The following CCR2 variants were observed in gnomAD, a reference collection of about 807,000 sequenced individuals.
The protein encoded by CCR2 is C-C chemokine receptor type 2.
For missense variants in CCR2, 408 were observed against 440.0 expected, an observed-to-expected ratio of 0.93 and a Z score of 0.65; for synonymous variants, 183 against 177.1, an observed-to-expected ratio of 1.03 and a Z score of -0.27.
At position 46,357,457 on chromosome 3, in the gene CCR2, A is replaced by G. The variant is rs1488218997; in HGVS notation, c.-51-20A>G. 3 of 1,513,766 alleles carry G rather than the reference A, an allele frequency of 2.0e-6. No homozygotes were observed. The highest frequency in any genetic ancestry group is 2.7e-6 in the Non-Finnish European group (3 of 1,106,992). The allele number at this position is 1,513,766 out of a possible 1,614,324, so 93.8% of individuals were successfully genotyped here. ...GCGGTGTTTGTGTTGTGTGGTCATC[A>G]TTTTGTTCTTTGTTTACAGAACAGA... On this transcript the variant is annotated intron_variant, in intron 1 of 1. Coordinates refer to ENST00000445132, the MANE Select transcript of CCR2 (RefSeq NM_001123396.4).
rs762049291 is a variant in CCR2 at position 46,358,410 on chromosome 3, A to G, written c.883A>G (p.Met295Val). Residue 295 changes from methionine to valine, a missense_variant, in exon 2 of 2, where the codon ATG (methionine) becomes GTG (valine). Met to Val is a conservative substitution (Grantham distance 21). Coordinates refer to ENST00000445132, the MANE Select transcript of CCR2 (RefSeq NM_001123396.4). Reference protein sequence around the residue: ...QATQVTETLGMTHCCINPIIY... With the variant: ...QATQVTETLGVTHCCINPIIY... ...CACGCAGGTGACAGAGACTCTTGGG[A>G]TGACTCACTGCTGCATCAATCCCAT... 1 of 1,614,062 alleles carries G rather than the reference A, an allele frequency of 6.2e-7. No homozygotes were observed. Among genetic ancestry groups the G allele is most frequent in the South Asian group, 1.1e-5 (1 of 91,072 alleles).
In CCR2 at chr3:46,358,733, T is replaced by G; in HGVS notation, c.*123T>G. On this transcript the variant is annotated 3_prime_UTR_variant, in exon 2 of 2. Coordinates refer to ENST00000445132, the MANE Select transcript of CCR2 (RefSeq NM_001123396.4). ...CAGGTGCCCAGGAACCTCAGGGCTG[T>G]GTGTACTAATACAGACTATGTCACC... The G allele has an allele frequency of 4.1e-6, 6 of 1,463,996 alleles. No homozygotes were observed. Among genetic ancestry groups the G allele is most frequent in the Non-Finnish European group, 5.4e-6 (6 of 1,108,262 alleles). 90.7% of individuals were successfully genotyped at this position (1,463,996 alleles called of 1,614,324 possible). A position where few individuals can be genotyped will look rare whatever the true frequency, so the allele number is the denominator to read the frequency against.
At chr3:46,357,434 G>C in intron 1 of CCR2, 43 bp from the exon 2 acceptor site, 1 of 1,316,826 alleles carries the variant, frequency 7.6e-7, no homozygotes, top group Non-Finnish European at 1.1e-6. Flanking sequence ...CATGGATTGC[G>C]GTGTTTGTGT....
rs1369908429 is a variant in CCR2, at chr3:46,360,765, G to A, written c.*2155G>A. On this transcript the variant is annotated 3_prime_UTR_variant, in exon 2 of 2. Transcript: ENST00000445132. ...ACTTTCAGGCCACATGGCTAAAGAA[G>A]GTTTCAGAAAGAAGTGGGGACAGAG... 1 of 152,298 alleles carries A rather than the reference G, an allele frequency of 6.6e-6. No individual in the cohort carries two copies. The allele number at this position is 152,298 out of a possible 1,614,324, so 9.4% of individuals were successfully genotyped here. A position where few individuals can be genotyped will look rare whatever the true frequency, so the allele number is the denominator to read the frequency against.
Position 46,358,776 on chromosome 3 carries a change from G to T in CCR2, c.*166G>T. 7.0e-7 allele frequency: 1 copy of T among 1,422,576 alleles called. No homozygotes were observed. Among genetic ancestry groups the T allele is most frequent in the Non-Finnish European group, 9.2e-7 (1 of 1,085,340 alleles). 88.1% of individuals were successfully genotyped at this position (1,422,576 alleles called of 1,614,324 possible). On this transcript the variant is annotated 3_prime_UTR_variant, in exon 2 of 2. Transcript: ENST00000445132. ...ATGTCACCCAATGCATATCCAACATGTGCTCAGGGAATAATCCAGAAAAAC... is the reference window on the plus strand; with the variant it reads ...ATGTCACCCAATGCATATCCAACATTTGCTCAGGGAATAATCCAGAAAAAC...
rs1330961489 is a variant in CCR2 at position 46,357,498 on chromosome 3, A to G, written c.-30A>G. The G allele has an allele frequency of 6.2e-7, 1 of 1,604,538 alleles. No individual in the cohort carries two copies. Among genetic ancestry groups the G allele is most frequent in the South Asian group, 1.1e-5 (1 of 89,944 alleles). Reference sequence around the variant, plus strand: ...ACAGAACAGAGAAAGTGGATTGAACAAGGACGCATTTCCCCAGTACATCCA... The same window carrying G: ...ACAGAACAGAGAAAGTGGATTGAACGAGGACGCATTTCCCCAGTACATCCA... On this transcript the variant is annotated 5_prime_UTR_variant, in exon 2 of 2. Coordinates refer to ENST00000445132, the MANE Select transcript of CCR2 (RefSeq NM_001123396.4).
rs1575274296 is a variant in CCR2 at position 46,359,561 on chromosome 3, G to T, written c.*951G>T. On this transcript the variant is annotated 3_prime_UTR_variant, in exon 2 of 2. Transcript: ENST00000445132. ...TTCCGAAATCAACTAAGTGGAGAGAGCCAGGAAGGCTGCATCAGAACCCAG... is the reference window on the plus strand; with the variant it reads ...TTCCGAAATCAACTAAGTGGAGAGATCCAGGAAGGCTGCATCAGAACCCAG... The T allele has an allele frequency of 8.8e-7, 1 of 1,131,550 alleles. No individual in the cohort carries two copies. The highest frequency in any genetic ancestry group is 2.5e-5 in the East Asian group (1 of 40,782). 70.1% of individuals were successfully genotyped at this position (1,131,550 alleles called of 1,614,324 possible).
Position 46,357,882 on chromosome 3 carries a change from C to A in CCR2, c.355C>A (p.Leu119Met), listed in dbSNP as rs1167133420. 6.2e-7 allele frequency: 1 copy of A among 1,614,226 alleles called. No individual in the cohort carries two copies. Among genetic ancestry groups the A allele is most frequent in the Non-Finnish European group, 8.5e-7 (1 of 1,180,024 alleles). Residue 119 changes from leucine to methionine, a missense_variant, in exon 2 of 2, where the codon CTG (leucine) becomes ATG (methionine). By Grantham distance (15) the Leu-to-Met change is conservative. Coordinates refer to ENST00000445132, the MANE Select transcript of CCR2 (RefSeq NM_001123396.4). ...TGCAATGTGCAAATTATTCACAGGGCTGTATCACATCGGTTATTTTGGCGG... is the reference window on the plus strand; with the variant it reads ...TGCAATGTGCAAATTATTCACAGGGATGTATCACATCGGTTATTTTGGCGG... The part of the protein sequence containing the change: ...GNAMCKLFTG[L>M]YHIGYFGGIF...
At chr3:46,354,526 C>T (rs1461779964) in intron 1 of CCR2, among the ~76,000 whole-genome samples, 1 of 152,142 alleles carries the variant, frequency 6.6e-6, no homozygotes, top group Non-Finnish European at 1.5e-5. Flanking sequence ...ATAGGACCAT[C>T]CAAGCTCTGA....
rs1257540649 is a variant in CCR2, at chr3:46,359,989, T to A, written c.*1379T>A. Reference sequence around the variant, plus strand: ...TGAGAGGAGAGAGACTCCAGCTGGGTTGGAAAACAGTATTTTCCAAACTAC... The same window carrying A: ...TGAGAGGAGAGAGACTCCAGCTGGGATGGAAAACAGTATTTTCCAAACTAC... On this transcript the variant is annotated 3_prime_UTR_variant, in exon 2 of 2. Coordinates refer to ENST00000445132, the MANE Select transcript of CCR2 (RefSeq NM_001123396.4). The A allele has an allele frequency of 4.7e-6, 4 of 849,306 alleles. No individual in the cohort carries two copies. The highest frequency in any genetic ancestry group is 7.2e-6 in the Non-Finnish European group (4 of 558,152). The allele number at this position is 849,306 out of a possible 1,614,324, so 52.6% of individuals were successfully genotyped here.
chr3:46,356,620 C>T (rs550274565), intron 1 of CCR2, among the ~76,000 whole-genome samples: 2 of 152,200 alleles, frequency 1.3e-5, no homozygotes, highest in African/African-American at 4.8e-5. Flanking sequence ...CTTCAGAGAA[C>T]AGAAAATGCA....
At position 46,357,479 on chromosome 3, in the gene CCR2, C is replaced by T. The variant is rs767814989; in HGVS notation, c.-49C>T. On this transcript the variant is annotated splice_region_variant and 5_prime_UTR_variant, in exon 2 of 2. Transcript: ENST00000445132. ...ATCATTTTGTTCTTTGTTTACAGAA[C>T]AGAGAAAGTGGATTGAACAAGGACG... The T allele has an allele frequency of 2.5e-6, 4 of 1,579,372 alleles. No homozygotes were observed. The highest frequency in any genetic ancestry group is 3.5e-6 in the Non-Finnish European group (4 of 1,157,426).
intron 1 of CCR2, chr3:46,355,096 G>A (rs1701427994): frequency 1.3e-5 from 2 of 152,264 alleles, no homozygotes; most frequent in Non-Finnish European, 2.9e-5. Flanking sequence ...GCCTCCTTTA[G>A]CCAGGTACTA....
chr3:46,358,764 C>T lies in CCR2; in HGVS notation c.*154C>T, dbSNP rs1024031076. The stretch of plus-strand genomic sequence containing the variant: ...CTAATACAGACTATGTCACCCAATG[C>T]ATATCCAACATGTGCTCAGGGAATA... On this transcript the variant is annotated 3_prime_UTR_variant, in exon 2 of 2. Coordinates refer to ENST00000445132, the MANE Select transcript of CCR2 (RefSeq NM_001123396.4). 1 of 1,430,940 alleles carries T rather than the reference C, an allele frequency of 7.0e-7. No homozygotes were observed. Among genetic ancestry groups the T allele is most frequent in the Non-Finnish European group, 9.2e-7 (1 of 1,089,504 alleles). The allele number at this position is 1,430,940 out of a possible 1,614,324, so 88.6% of individuals were successfully genotyped here. A position where few individuals can be genotyped will look rare whatever the true frequency, so the allele number is the denominator to read the frequency against.
chr3:46,357,222 G>T (rs896670559), intron 1 of CCR2, among the ~76,000 whole-genome samples: 1 of 152,200 alleles, frequency 6.6e-6, no homozygotes, highest in Admixed American at 6.5e-5. Flanking sequence ...AACGCCCAGC[G>T]CTTTTAGCCT....
At position 46,357,375 on chromosome 3, in the gene CCR2, G is replaced by A. The variant is rs1312380766; in HGVS notation, c.-51-102G>A. 8.3e-5 allele frequency: 63 copies of A among 761,538 alleles called. No individual in the cohort carries two copies. In the South Asian group the frequency reaches 1.1e-3, roughly 14 times the overall value. The allele number at this position is 761,538 out of a possible 1,614,324, so 47.2% of individuals were successfully genotyped here. ...TTCAGGGAGATGGCTGCAAGGGAGA[G>A]GGCAAAGACTGGGAAGTTGCTTATG... On this transcript the variant is annotated intron_variant, in intron 1 of 1. Coordinates refer to ENST00000445132, the MANE Select transcript of CCR2 (RefSeq NM_001123396.4).
Position 46,359,913 on chromosome 3 carries a change from T to C in CCR2, c.*1303T>C. The C allele has an allele frequency of 6.6e-7, 1 of 1,519,622 alleles. No homozygotes were observed. Among genetic ancestry groups the C allele is most frequent in the Non-Finnish European group, 9.1e-7 (1 of 1,104,020 alleles). 94.1% of individuals were successfully genotyped at this position (1,519,622 alleles called of 1,614,324 possible). On this transcript the variant is annotated 3_prime_UTR_variant, in exon 2 of 2. Transcript: ENST00000445132. ...GAAATCACACGTCTGGCTTCACAGA[T>C]GTGTGATTCACAGTGTGAATCTTGG...
rs181123418 is a variant in CCR2, at chr3:46,355,422, G to C, written c.-52+1245G>C. Among the ~76,000 whole-genome samples the C allele has an allele frequency of 3.3e-4, 50 of 152,282 alleles. No individual in the cohort carries two copies. The East Asian group carries it at 9.1e-3, about 28-fold the overall frequency. On this transcript the variant is annotated intron_variant, in intron 1 of 1. Transcript: ENST00000445132. ...GACTGAAGCACAGGATTTGGGATTG[G>C]AGAAGGGACTGGAGGTGAGGCTGAA...
At position 46,357,881 on chromosome 3, in the gene CCR2, G is replaced by T; in HGVS notation, c.354G>T (p.Gly118=). ...ATGCAATGTGCAAATTATTCACAGG[G>T]CTGTATCACATCGGTTATTTTGGCG... ...FGNAMCKLFT[G]LYHIGYFGGI... The change falls in exon 2 of 2, where the codon GGG becomes GGT. Residue 118 remains glycine (G), a synonymous_variant. Transcript: ENST00000445132. The T allele has an allele frequency of 6.2e-7, 1 of 1,614,180 alleles. No homozygotes were observed. Among genetic ancestry groups the T allele is most frequent in the African/African-American group, 1.3e-5 (1 of 75,046 alleles).
Sources: gnomAD v4.1 joint callset for allele counts (sites outside exome capture counted in the v4.1 genomes callset) on GRCh38, gnomAD v4.1.1 for gene constraint, MANE v1.5 for transcripts, NCBI Gene and HGNC (gene_info 2026-07-23, HGNC 2026-07-21) for gene names.